RIN2: variants seen among roughly 807,000 people sequenced by gnomAD.
The protein encoded by RIN2 is RAB5 interacting protein 2.
RIN2 carries 36 observed loss-of-function variants against 78.0 expected under a neutral mutation model. The ratio of observed to expected loss-of-function variants is 0.46; its 90% CI spans 0.35 to 0.61. The LOEUF is 0.61. RIN2 is among the 20% of genes least tolerant of loss of function. The pLI is 0.00. For synonymous variants in RIN2, 466 were observed against 466.8 expected (o/e 1.00, Z 0.02); for missense variants, 1,087 against 1,159.7 (o/e 0.94, Z 0.91).
chr20:19,991,574 G>C (rs982945591), intron 10 of RIN2, among the ~76,000 whole-genome samples: 1 of 152,182 alleles, frequency 6.6e-6, no homozygotes, highest in Non-Finnish European at 1.5e-5. Flanking sequence ...ATTATCTCCA[G>C]TTGAGAACCA....
intron 9 of RIN2, among the ~76,000 whole-genome samples, chr20:19,979,361 T>C (rs2042375861): frequency 6.6e-6 from 1 of 152,234 alleles, no homozygotes; most frequent in South Asian, 2.1e-4. Flanking sequence ...ATTTAAGTGC[T>C]ACAAACCAAA....
intron 9 of RIN2, among the ~76,000 whole-genome samples, chr20:19,983,550 G>A (rs201074398): frequency 6.7e-6 from 1 of 149,070 alleles, no homozygotes; most frequent in Non-Finnish European, 1.5e-5. Context: ...ACAAAAAAAA[G>A]GCCCATATCT....
chr20:20,001,162 G>C lies in RIN2; in HGVS notation c.*226G>C. 3.7e-6 allele frequency: 2 copies of C among 536,662 alleles called. No individual in the cohort carries two copies. Among genetic ancestry groups the C allele is most frequent in the East Asian group, 5.9e-5 (2 of 33,636 alleles). 33.2% of individuals were successfully genotyped at this position (536,662 alleles called of 1,614,324 possible). A position where few individuals can be genotyped will look rare whatever the true frequency, so the allele number is the denominator to read the frequency against. ...CTTTTGGCAATGGAGAATTGCATCTGATGGTTCAAGTGTCCTGAGATTGTT... is the reference window on the plus strand; with the variant it reads ...CTTTTGGCAATGGAGAATTGCATCTCATGGTTCAAGTGTCCTGAGATTGTT... On this transcript the variant is annotated 3_prime_UTR_variant, in exon 13 of 13. Coordinates refer to ENST00000255006, the MANE Select transcript of RIN2 (RefSeq NM_018993.4).
At chr20:19,763,044 C>T (rs1182649188) in intron 1 of RIN2, among the ~76,000 whole-genome samples, 4 of 152,242 alleles carry the variant, frequency 2.6e-5, no homozygotes, top group Non-Finnish European at 5.9e-5. Context: ...CAATTACAGG[C>T]GTGTGCCACC....
chr20:19,867,217 A>G (rs763200930), intron 2 of RIN2, among the ~76,000 whole-genome samples: 3 of 151,996 alleles, frequency 2.0e-5, no homozygotes, highest in Non-Finnish European at 4.4e-5. Flanking sequence ...ACACACACAC[A>G]CTTTTTTCTA....
chr20:19,871,436 A>G lies in RIN2; in HGVS notation c.-36-18130A>G, dbSNP rs560642846. 3.9e-5 allele frequency among the ~76,000 whole-genome samples: 6 copies of G among 152,310 alleles called. 1 individual carries two copies. In the South Asian group the frequency reaches 1.2e-3, roughly 32 times the overall value. On this transcript the variant is annotated intron_variant, in intron 2 of 12. Coordinates refer to ENST00000255006, the MANE Select transcript of RIN2 (RefSeq NM_018993.4). Reference sequence around the variant, plus strand: ...TCATGAGGTATCTTTGGGAGACAGTATATATCGTGCACCTCAGAGATGTCC... The same window carrying G: ...TCATGAGGTATCTTTGGGAGACAGTGTATATCGTGCACCTCAGAGATGTCC...
intron 4 of RIN2, among the ~76,000 whole-genome samples, chr20:19,943,199 A>G (rs1048401878): frequency 1.2e-4 from 19 of 152,212 alleles, no homozygotes; most frequent in African/African-American, 4.6e-4. Flanking sequence ...TTTTACAGGA[A>G]CAAATGAAAG....
At chr20:19,962,364 C>T (rs994661110) in intron 6 of RIN2, among the ~76,000 whole-genome samples, 1 of 151,780 alleles carries the variant, frequency 6.6e-6, no homozygotes, top group Non-Finnish European at 1.5e-5. Context: ...AACTGGTTTT[C>T]AAATTCCTCC....
At chr20:19,932,370 C>T (rs904517092) in intron 3 of RIN2, among the ~76,000 whole-genome samples, 5 of 152,172 alleles carry the variant, frequency 3.3e-5, no homozygotes, top group Non-Finnish European at 5.9e-5. Context: ...AATAAATTAG[C>T]CAGTCTGTAG....
intron 4 of RIN2, among the ~76,000 whole-genome samples, chr20:19,948,968 G>A (rs1291958544): frequency 6.7e-6 from 1 of 148,954 alleles, no homozygotes; most frequent in Non-Finnish European, 1.5e-5. Context: ...GCACCAGGCC[G>A]TAATTTTACT....
At chr20:19,954,104 G>T (rs1181802177) in intron 4 of RIN2, among the ~76,000 whole-genome samples, 1 of 152,194 alleles carries the variant, frequency 6.6e-6, no homozygotes, top group Non-Finnish European at 1.5e-5. Flanking sequence ...CCAACACTGG[G>T]TATTATTATT....
chr20:19,837,466 G>A (rs1211732881), intron 2 of RIN2, among the ~76,000 whole-genome samples: 1 of 152,032 alleles, frequency 6.6e-6, no homozygotes, highest in Non-Finnish European at 1.5e-5. Flanking sequence ...TTGCGTTTTT[G>A]TTACTAGGAA....
At chr20:19,989,774 A>G (rs570383748) in intron 9 of RIN2, among the ~76,000 whole-genome samples, 1 of 152,364 alleles carries the variant, frequency 6.6e-6, no homozygotes, top group South Asian at 2.1e-4. Flanking sequence ...TATTGATTAT[A>G]TGCAAGTTAG....
rs116845724 is a variant in RIN2 at position 19,982,899 on chromosome 20, G to A, written c.1763-7107G>A. Among the ~76,000 whole-genome samples the A allele has an allele frequency of 1.7e-3, 256 of 152,272 alleles. 1 individual carries two copies. Among genetic ancestry groups the A allele is most frequent in the East Asian group, 9.5e-3 (49 of 5,164 alleles). ...GGAGCAACTGTAAGGCATGTTCAACGCCACCTCTTGGAGCTCCCCAGCAGG... is the reference window on the plus strand; with the variant it reads ...GGAGCAACTGTAAGGCATGTTCAACACCACCTCTTGGAGCTCCCCAGCAGG... On this transcript the variant is annotated intron_variant, in intron 9 of 12. Coordinates refer to ENST00000255006, the MANE Select transcript of RIN2 (RefSeq NM_018993.4).
chr20:19,757,934 A>T (rs1365716642), upstream of RIN2: 1 of 152,442 alleles, frequency 6.6e-6, no homozygotes, highest in African/African-American at 2.4e-5. Context: ...GGTTCCTTGT[A>T]ACAGGGTAAG....
intron 3 of RIN2, among the ~76,000 whole-genome samples, chr20:19,928,099 C>T (rs2146086003): frequency 6.6e-6 from 1 of 152,284 alleles, no homozygotes; most frequent in Non-Finnish European, 1.5e-5. Context: ...GACAGGGTTT[C>T]ACCATGTTGG....
At chr20:19,843,802 C>A (rs1025056288) in intron 2 of RIN2, among the ~76,000 whole-genome samples, 3 of 152,046 alleles carry the variant, frequency 2.0e-5, no homozygotes, top group Admixed American at 6.6e-5. Flanking sequence ...TCTTTAATTT[C>A]TTTTGAAAAG....
At chr20:19,889,012 C>A in intron 2 of RIN2, 1 of 472,142 alleles carries the variant, frequency 2.1e-6, no homozygotes, top group Non-Finnish European at 2.8e-6. Context: ...TGAACTGATC[C>A]CTGTAAACAG....
intron 1 of RIN2, among the ~76,000 whole-genome samples, chr20:19,798,833 A>G (rs1229897856): frequency 6.6e-6 from 1 of 152,210 alleles, no homozygotes; most frequent in Non-Finnish European, 1.5e-5. Flanking sequence ...TCATGCATGT[A>G]CTTAGGTAAT....
Sources: gnomAD v4.1 joint callset for allele counts (sites outside exome capture counted in the v4.1 genomes callset) on GRCh38, gnomAD v4.1.1 for gene constraint, MANE v1.5 for transcripts, NCBI Gene and HGNC (gene_info 2026-07-23, HGNC 2026-07-21) for gene names.